The following USP8 variants were observed in gnomAD, a reference collection of about 807,000 sequenced individuals.
USP8 encodes ubiquitin carboxyl-terminal hydrolase 8.
Under a neutral mutation model 130.0 loss-of-function variants are expected in USP8, and 27 were observed. The observed-to-expected ratio is 0.21, with a 90% CI of 0.15 to 0.29. The LOEUF (loss-of-function observed/expected upper bound fraction) is 0.29, where lower values mean the gene tolerates loss of function less well. USP8 is among the 10% of genes least tolerant of loss of function. USP8 has a pLI of 1.00. For missense variants in USP8, 1,029 were observed against 1,312.2 expected, an observed-to-expected ratio of 0.78 and a Z score of 3.33; for synonymous variants, 392 against 444.1, an observed-to-expected ratio of 0.88 and a Z score of 1.48.
At chr15:50,454,130 C>CT (rs2050713664) in intron 4 of USP8, among the ~76,000 whole-genome samples, 3 of 152,150 alleles carry the variant, frequency 2.0e-5, no homozygotes, top group Admixed American at 2.0e-4. Context: ...TCCCAAAGTG[C>CT]TGCGATCACA....
chr15:50,444,635 A>G (rs1305789689), intron 3 of USP8: 2 of 152,190 alleles, frequency 1.3e-5, no homozygotes, highest in Non-Finnish European at 2.9e-5. Context: ...CGCTCCCTGC[A>G]AAGGCTCAGG....
chr15:50,487,656 CAAT>C (rs1316417109), intron 12 of USP8, among the ~76,000 whole-genome samples: 1 of 152,178 alleles, frequency 6.6e-6, no homozygotes, highest in Non-Finnish European at 1.5e-5. Context: ...CAAGGGTACT[CAAT>C]ATATCTTCTG....
intron 7 of USP8, among the ~76,000 whole-genome samples, chr15:50,468,713 C>A (rs28840973): frequency 6.6e-6 from 1 of 151,960 alleles, no homozygotes; most frequent in Non-Finnish European, 1.5e-5. Flanking sequence ...TACACTCCCC[C>A]CTCAAGTAGA....
intron 1 of USP8, among the ~76,000 whole-genome samples, chr15:50,425,897 C>T (rs984461546): frequency 6.6e-6 from 1 of 151,938 alleles, no homozygotes; most frequent in Non-Finnish European, 1.5e-5. Flanking sequence ...CGGAGGTGGG[C>T]GGATCACTGA....
intron 4 of USP8, among the ~76,000 whole-genome samples, chr15:50,454,680 C>T (rs2050735702): frequency 6.6e-6 from 1 of 152,062 alleles, no homozygotes; most frequent in Non-Finnish European, 1.5e-5. Context: ...GTCTCAAACT[C>T]CTGACCTCAG....
intron 2 of USP8, among the ~76,000 whole-genome samples, chr15:50,439,757 T>C (rs970666332): frequency 1.3e-5 from 2 of 150,510 alleles, no homozygotes; most frequent in African/African-American, 2.4e-5. Context: ...GCGATTGCAC[T>C]GCAGCTTGGG....
In USP8 at chr15:50,498,582, G is replaced by GTT; in HGVS notation, c.3039-11_3039-10dup. 1 of 1,601,414 alleles carries GTT rather than the reference G, an allele frequency of 6.2e-7. No homozygotes were observed. The highest frequency in any genetic ancestry group is 8.5e-7 in the Non-Finnish European group (1 of 1,174,558). ...CTTCCTCTGTCAGTGTAATTGTAAT[G>GTT]TTTTGTTCTGCAGTTTTTCCTACGA... On this transcript the variant is annotated splice_polypyrimidine_tract_variant and intron_variant, in intron 18 of 19. Coordinates refer to ENST00000307179, the MANE Select transcript of USP8 (RefSeq NM_005154.5).
chr15:50,449,981 C>T (rs1027582483), intron 4 of USP8, among the ~76,000 whole-genome samples: 5 of 149,388 alleles, frequency 3.3e-5, no homozygotes, highest in Non-Finnish European at 1.5e-5. Context: ...GCAGACTCCG[C>T]CCCTGGGGTT....
In USP8 at chr15:50,498,739, C is replaced by T; in HGVS notation, c.3171+11C>T. The T allele has an allele frequency of 6.3e-7, 1 of 1,587,338 alleles. No homozygotes were observed. Among genetic ancestry groups the T allele is most frequent in the Non-Finnish European group, 8.6e-7 (1 of 1,166,310 alleles). On this transcript the variant is annotated intron_variant, in intron 19 of 19. Transcript: ENST00000307179. ...TTGTTTTCTGTTTCAGTAAGTATCT[C>T]TTTGAACTGAAGACTTTTTGTTTCA... is the stretch of plus-strand genomic sequence containing the variant.
chr15:50,477,003 T>A lies in USP8; in HGVS notation c.994+10T>A, dbSNP rs757758724. 1 of 1,594,298 alleles carries A rather than the reference T, an allele frequency of 6.3e-7. No individual in the cohort carries two copies. The highest frequency in any genetic ancestry group is 1.9e-5 in the Admixed American group (1 of 52,292). On this transcript the variant is annotated intron_variant, in intron 9 of 19. Coordinates refer to ENST00000307179, the MANE Select transcript of USP8 (RefSeq NM_005154.5). ...GAGGTGTCTATCTCATGTATGTATGTGAAAATTTTTGTTTAAAATTGCTTT... is the reference window on the plus strand; with the variant it reads ...GAGGTGTCTATCTCATGTATGTATGAGAAAATTTTTGTTTAAAATTGCTTT...
In USP8 at chr15:50,507,694, A is replaced by T. The variant is rs1371556570; in HGVS notation, c.*8606A>T. The stretch of plus-strand genomic sequence containing the variant: ...TATTGATCAAGCAGACAAAAATATT[A>T]GTATAGATACAGCTTTTACAATATA... On this transcript the variant is annotated 3_prime_UTR_variant, in exon 20 of 20. Transcript: ENST00000307179. 2.6e-5 allele frequency: 4 copies of T among 152,210 alleles called. No homozygotes were observed. The highest frequency in any genetic ancestry group is 5.9e-5 in the Non-Finnish European group (4 of 68,038). 9.4% of individuals were successfully genotyped at this position (152,210 alleles called of 1,614,324 possible).
At chr15:50,489,751 C>A in intron 12 of USP8, 50 bp from the exon 13 acceptor site, 2 of 1,246,748 alleles carry the variant, frequency 1.6e-6, no homozygotes, top group South Asian at 3.9e-5. Flanking sequence ...ATTGAAAAAT[C>A]AGATTTAAAA....
intron 4 of USP8, among the ~76,000 whole-genome samples, chr15:50,453,009 A>G (rs1427897940): frequency 6.6e-6 from 1 of 152,228 alleles, no homozygotes; most frequent in Non-Finnish European, 1.5e-5. Flanking sequence ...ATGCTAGCAT[A>G]TGAGATAGGC....
chr15:50,428,930 C>T (rs1293824740), intron 1 of USP8, among the ~76,000 whole-genome samples: 1 of 152,212 alleles, frequency 6.6e-6, no homozygotes, highest in Admixed American at 6.5e-5. Flanking sequence ...CACTGTAATA[C>T]TGCTATAGTC....
Position 50,511,291 on chromosome 15 carries a change from T to G in USP8, c.*12203T>G, listed in dbSNP as rs2052736782. 6.6e-6 allele frequency: 1 copy of G among 152,130 alleles called. No homozygotes were observed. 9.4% of individuals were successfully genotyped at this position (152,130 alleles called of 1,614,324 possible). On this transcript the variant is annotated 3_prime_UTR_variant, in exon 20 of 20. Coordinates refer to ENST00000307179, the MANE Select transcript of USP8 (RefSeq NM_005154.5). The stretch of plus-strand genomic sequence containing the variant: ...GCAGTAACAAGTTCGGTTGAGGATG[T>G]GGGGAAACTGGAACCTTAGTTCCAG...
chr15:50,429,155 A>G (rs905414147), intron 1 of USP8, among the ~76,000 whole-genome samples: 2 of 152,220 alleles, frequency 1.3e-5, no homozygotes, highest in Non-Finnish European at 2.9e-5. Flanking sequence ...AAGCGAAACC[A>G]TGGATAAGGG....
intron 5 of USP8, among the ~76,000 whole-genome samples, chr15:50,461,456 CA>C (rs71124356): frequency 0.32 from 35,181 of 108,418 alleles, 4,584 homozygotes; most frequent in East Asian, 0.55. Flanking sequence ...ACCCTATCTC[CA>C]AAAAAAAAAA....
intron 18 of USP8, 133 bp from the exon 19 acceptor site, chr15:50,498,463 C>G: frequency 1.7e-6 from 2 of 1,201,984 alleles, no homozygotes; most frequent in South Asian, 3.8e-5. Flanking sequence ...ACAGGTTCCT[C>G]TACTACTAAA....
At chr15:50,437,137 ATAT>A (rs1485009956) in intron 1 of USP8, among the ~76,000 whole-genome samples, 1 of 152,152 alleles carries the variant, frequency 6.6e-6, no homozygotes, top group Non-Finnish European at 1.5e-5. Context: ...TGTTATGCTC[ATAT>A]TATTTCTTTC....
Sources: allele counts gnomAD v4.1 joint callset (sites outside exome capture counted in the v4.1 genomes callset), GRCh38; gene constraint gnomAD v4.1.1; transcripts MANE v1.5; gene names NCBI Gene and HGNC (gene_info 2026-07-23, HGNC 2026-07-21).